The following DPP6 variants were observed in gnomAD, a reference collection of about 807,000 sequenced individuals.
The protein encoded by DPP6 is dipeptidyl peptidase like 6, also known as A-type potassium channel modulatory protein DPP6.
Under a neutral mutation model 122.6 loss-of-function variants are expected in DPP6, and 69 were observed. That is an observed-to-expected ratio of 0.56 (90% CI 0.46 to 0.69). DPP6 has a LOEUF of 0.69. Among genes scored for constraint, DPP6 ranks in the 30% least tolerant of loss-of-function variants. The pLI, the probability that DPP6 is intolerant of heterozygous loss-of-function variation, is 0.00. For missense variants in DPP6, 928 were observed against 1,116.9 expected, an observed-to-expected ratio of 0.83 and a Z score of 2.41; for synonymous variants, 418 against 433.1, an observed-to-expected ratio of 0.97 and a Z score of 0.43.
chr7:153,964,424 G>T (rs1176647349), intron 1 of DPP6, among the ~76,000 whole-genome samples: 1 of 152,114 alleles, frequency 6.6e-6, no homozygotes, highest in African/African-American at 2.4e-5. Flanking sequence ...TTCTGGAGAC[G>T]CTACCGCTTC....
intron 5 of DPP6, chr7:154,587,741 A>G (rs1586689514): frequency 6.4e-7 from 1 of 1,571,732 alleles, no homozygotes. Flanking sequence ...CCAGCTTGTC[A>G]CCAGGGCTGT....
At chr7:154,515,749 C>G (rs1336663831) in intron 3 of DPP6, among the ~76,000 whole-genome samples, 1 of 152,176 alleles carries the variant, frequency 6.6e-6, no homozygotes, top group Non-Finnish European at 1.5e-5. Context: ...GCTGGGATTA[C>G]AGACGTGAGC....
At chr7:154,178,718 C>G (rs936249431) in intron 1 of DPP6, among the ~76,000 whole-genome samples, 1 of 152,200 alleles carries the variant, frequency 6.6e-6, no homozygotes, top group Non-Finnish European at 1.5e-5. Flanking sequence ...AACATCCCTG[C>G]TCAGAGATGA....
intron 1 of DPP6, among the ~76,000 whole-genome samples, chr7:154,086,614 C>A (rs1308255036): frequency 9.1e-5 from 13 of 142,568 alleles, no homozygotes; most frequent in Non-Finnish European, 1.8e-4. Context: ...AACCACAGAG[C>A]TTACTCTTTT....
intron 7 of DPP6, among the ~76,000 whole-genome samples, chr7:154,708,356 T>C (rs574383456): frequency 1.5e-4 from 23 of 152,334 alleles, no homozygotes; most frequent in Admixed American, 3.9e-4. Context: ...TTGCCGACTT[T>C]TTCTTCAGTG....
the DPP6 span, among the ~76,000 whole-genome samples, chr7:153,772,904 A>G: frequency 2.2e-5 from 3 of 134,626 alleles, no homozygotes; most frequent in African/African-American, 7.7e-5. Flanking sequence ...AGACTTTTAT[A>G]TATTATTATA....
intron 1 of DPP6, among the ~76,000 whole-genome samples, chr7:153,966,130 T>C (rs1156635049): frequency 6.1e-4 from 61 of 99,576 alleles, no homozygotes; most frequent in African/African-American, 1.8e-3. Context: ...AGACGAATCA[T>C]GAAAGCGACC....
At chr7:154,161,457 A>G (rs1796979681) in intron 1 of DPP6, among the ~76,000 whole-genome samples, 1 of 151,998 alleles carries the variant, frequency 6.6e-6, no homozygotes, top group Admixed American at 6.6e-5. Flanking sequence ...AGATCATACC[A>G]TCGCACCCCA....
intron 1 of DPP6, chr7:154,305,404 C>G: frequency 9.5e-7 from 1 of 1,047,852 alleles, no homozygotes; most frequent in African/African-American, 1.8e-5. Flanking sequence ...TAAAATCACA[C>G]TCCTCCTTAC....
intron 3 of DPP6, among the ~76,000 whole-genome samples, chr7:154,535,714 AT>A (rs1288734213): frequency 3.9e-5 from 6 of 152,098 alleles, no homozygotes; most frequent in Non-Finnish European, 8.8e-5. Flanking sequence ...AGTGGACAAA[AT>A]TTTTCAAGAT....
At chr7:154,208,072 T>G (rs1029007894) in intron 1 of DPP6, among the ~76,000 whole-genome samples, 2 of 152,236 alleles carry the variant, frequency 1.3e-5, no homozygotes, top group African/African-American at 4.8e-5. Context: ...CAGGCATTGG[T>G]TACTGGTTCC....
chr7:154,681,351 A>G (rs936922213), intron 7 of DPP6, among the ~76,000 whole-genome samples: 2 of 152,232 alleles, frequency 1.3e-5, no homozygotes, highest in African/African-American at 2.4e-5. Context: ...GAATTTCAAG[A>G]TCATTTATCA....
intron 7 of DPP6, among the ~76,000 whole-genome samples, chr7:154,719,669 C>G (rs1396224619): frequency 1.3e-5 from 2 of 152,202 alleles, no homozygotes; most frequent in Non-Finnish European, 2.9e-5. Flanking sequence ...AGGCATTGGA[C>G]AGGGCCCTCC....
chr7:154,842,452 T>C (rs968853742), intron 16 of DPP6, among the ~76,000 whole-genome samples: 1 of 152,198 alleles, frequency 6.6e-6, no homozygotes, highest in African/African-American at 2.4e-5. Context: ...GTCACATTTC[T>C]CCCTCCAGTT....
At chr7:154,299,643 C>G (rs552700264) in intron 1 of DPP6, among the ~76,000 whole-genome samples, 1 of 152,206 alleles carries the variant, frequency 6.6e-6, no homozygotes, top group Non-Finnish European at 1.5e-5. Context: ...AGTGACTTCT[C>G]TTGCAGATGG....
chr7:154,130,696 C>T (rs954245641), intron 1 of DPP6, among the ~76,000 whole-genome samples: 7 of 151,844 alleles, frequency 4.6e-5, no homozygotes, highest in South Asian at 2.1e-4. Flanking sequence ...CAGATGGGGG[C>T]GGGTGGGGAG....
chr7:154,065,780 C>T (rs1802669462), intron 1 of DPP6, among the ~76,000 whole-genome samples: 1 of 152,110 alleles, frequency 6.6e-6, no homozygotes, highest in East Asian at 1.9e-4. Flanking sequence ...CTGAGTTGGA[C>T]TCAGGTTTTC....
At chr7:154,797,803 T>C (rs1343785287) in intron 12 of DPP6, among the ~76,000 whole-genome samples, 1 of 152,230 alleles carries the variant, frequency 6.6e-6, no homozygotes, top group Non-Finnish European at 1.5e-5. Flanking sequence ...GAATTTTACC[T>C]CAACGATTTT....
the DPP6 span, among the ~76,000 whole-genome samples, chr7:153,827,080 G>A: frequency 1.3e-5 from 2 of 151,816 alleles, no homozygotes; most frequent in African/African-American, 2.4e-5. Context: ...AAAAAAATTA[G>A]AAGGCATAAA....
Sources: gnomAD v4.1 joint callset for allele counts (sites outside exome capture counted in the v4.1 genomes callset) on GRCh38, gnomAD v4.1.1 for gene constraint, MANE v1.5 for transcripts, NCBI Gene and HGNC (gene_info 2026-07-23, HGNC 2026-07-21) for gene names.